Variants in YPEL1 observed in about 807,000 individuals in gnomAD.
YPEL1 encodes the protein protein yippee-like 1.
In YPEL1, 7 loss-of-function variants were observed where a neutral mutation model predicts 17.3. The observed-to-expected ratio is 0.40, with a 90% CI of 0.23 to 0.76. The LOEUF (loss-of-function observed/expected upper bound fraction) is 0.76, where lower values mean the gene tolerates loss of function less well. Among genes scored for constraint, YPEL1 ranks in the 30% least tolerant of loss-of-function variants. The pLI, the probability that YPEL1 is intolerant of heterozygous loss-of-function variation, is 0.35. For synonymous variants in YPEL1, 59 were observed against 59.6 expected, an observed-to-expected ratio of 0.99 and a Z score of 0.05; for missense variants, 91 against 155.5, an observed-to-expected ratio of 0.59 and a Z score of 2.21.
intron 1 of YPEL1, among the ~76,000 whole-genome samples, chr22:21,724,491 C>T (rs751310896): frequency 5.3e-5 from 8 of 151,934 alleles, no homozygotes; most frequent in Non-Finnish European, 1.2e-4. Flanking sequence ...GAGCCATGAT[C>T]GCACCACTGC....
At chr22:21,702,043 A>G (rs926100743) in intron 4 of YPEL1, among the ~76,000 whole-genome samples, 4 of 152,138 alleles carry the variant, frequency 2.6e-5, no homozygotes. Flanking sequence ...AACAAAAAAC[A>G]GGATATCTGG....
At chr22:21,727,463 T>C (rs1417602465) in intron 1 of YPEL1, among the ~76,000 whole-genome samples, 1 of 152,226 alleles carries the variant, frequency 6.6e-6, no homozygotes, top group African/African-American at 2.4e-5. Context: ...TCTCGGACAC[T>C]GTGTGTCCCC....
Position 21,699,915 on chromosome 22 carries a change from C to G in YPEL1, c.*1214G>C, listed in dbSNP as rs1175347494. On this transcript the variant is annotated 3_prime_UTR_variant, in exon 5 of 5. Coordinates refer to ENST00000339468, the MANE Select transcript of YPEL1 (RefSeq NM_013313.5). The stretch of plus-strand genomic sequence containing the variant: ...TGTGAGGCTGTCACCTCAGTAAGGG[C>G]ACCTCTGCGGGCCCCGGGACAGCCT... 1.3e-5 allele frequency: 2 copies of G among 152,460 alleles called. No homozygotes were observed. The highest frequency in any genetic ancestry group is 6.5e-5 in the Admixed American group (1 of 15,276). The allele number at this position is 152,460 out of a possible 1,614,324, so 9.4% of individuals were successfully genotyped here. A position where few individuals can be genotyped will look rare whatever the true frequency, so the allele number is the denominator to read the frequency against.
intron 1 of YPEL1, among the ~76,000 whole-genome samples, chr22:21,717,864 C>T (rs2068242345): frequency 6.6e-6 from 1 of 152,146 alleles, no homozygotes. Flanking sequence ...TAGTGGCTCA[C>T]ACTTGTCATC....
At chr22:21,722,148 G>A (rs1226683294) in intron 1 of YPEL1, among the ~76,000 whole-genome samples, 2 of 152,186 alleles carry the variant, frequency 1.3e-5, no homozygotes, top group African/African-American at 4.8e-5. Flanking sequence ...GGCCAGCGCG[G>A]TGGCTCATGC....
intron 1 of YPEL1, among the ~76,000 whole-genome samples, chr22:21,720,259 G>C (rs748099174): frequency 2.0e-5 from 3 of 150,846 alleles, no homozygotes; most frequent in Non-Finnish European, 2.9e-5. Flanking sequence ...CCGGAGTGCA[G>C]TGGCATGGTC....
intron 1 of YPEL1, among the ~76,000 whole-genome samples, 176 bp downstream of exon 1, chr22:21,735,439 A>G (rs1036872833): frequency 3.3e-5 from 5 of 152,184 alleles, no homozygotes; most frequent in Admixed American, 1.3e-4. Flanking sequence ...AGTGAGCCCA[A>G]TATCAACAAA....
chr22:21,725,322 C>T (rs1366683498), intron 1 of YPEL1, among the ~76,000 whole-genome samples: 1 of 146,910 alleles, frequency 6.8e-6, no homozygotes, highest in Admixed American at 6.8e-5. Flanking sequence ...CGGGTTCATG[C>T]CATTCTCCTG....
At chr22:21,702,629 C>A (rs866701426) in intron 4 of YPEL1, among the ~76,000 whole-genome samples, 1 of 151,882 alleles carries the variant, frequency 6.6e-6, no homozygotes, top group East Asian at 1.9e-4. Flanking sequence ...AACAAAACAA[C>A]AACAACAACA....
intron 4 of YPEL1, among the ~76,000 whole-genome samples, chr22:21,701,786 G>A (rs2068069155): frequency 6.6e-6 from 1 of 152,226 alleles, no homozygotes; most frequent in African/African-American, 2.4e-5. Context: ...GAGGCTGGGC[G>A]CAGTGGTGCA....
At chr22:21,726,113 C>T (rs2040168) in intron 1 of YPEL1, among the ~76,000 whole-genome samples, 2,980 of 152,236 alleles carry the variant, frequency 0.02, 99 homozygotes, top group African/African-American at 0.067. Flanking sequence ...CCGTGGGGTG[C>T]GGGCAGCTGC....
chr22:21,726,953 G>A (rs1210617837), intron 1 of YPEL1, among the ~76,000 whole-genome samples: 2 of 152,188 alleles, frequency 1.3e-5, no homozygotes, highest in South Asian at 2.1e-4. Context: ...TGAGGGCACC[G>A]CTAATTACAA....
intron 1 of YPEL1, among the ~76,000 whole-genome samples, chr22:21,725,001 G>A (rs1349018484): frequency 8.0e-5 from 12 of 150,870 alleles, no homozygotes; most frequent in African/African-American, 1.7e-4. Context: ...TCTGCCTCCC[G>A]GGTTCAAGTG....
intron 1 of YPEL1, among the ~76,000 whole-genome samples, chr22:21,734,100 G>T (rs1179269786): frequency 2.0e-5 from 3 of 152,162 alleles, no homozygotes; most frequent in Admixed American, 1.3e-4. Flanking sequence ...TGCACCTGTA[G>T]TCCTAGCTAC....
intron 1 of YPEL1, among the ~76,000 whole-genome samples, chr22:21,728,128 T>C (rs1411984349): frequency 6.6e-6 from 1 of 152,150 alleles, no homozygotes; most frequent in Non-Finnish European, 1.5e-5. Context: ...CAGGATATCA[T>C]GGTCCACCTC....
Position 21,700,995 on chromosome 22 carries a change from T to A in YPEL1, c.*134A>T. The stretch of plus-strand genomic sequence containing the variant: ...CCTTACCCACAGAGATGGCCGAGAG[T>A]GTCAAGAGCTATGCGCAGCTAGCCT... On this transcript the variant is annotated 3_prime_UTR_variant, in exon 5 of 5. Coordinates refer to ENST00000339468, the MANE Select transcript of YPEL1 (RefSeq NM_013313.5). The A allele has an allele frequency of 3.1e-6, 2 of 648,438 alleles. No individual in the cohort carries two copies. The highest frequency in any genetic ancestry group is 5.3e-6 in the Non-Finnish European group (2 of 375,632). The allele number at this position is 648,438 out of a possible 1,614,324, so 40.2% of individuals were successfully genotyped here. A position where few individuals can be genotyped will look rare whatever the true frequency, so the allele number is the denominator to read the frequency against.
Position 21,700,300 on chromosome 22 carries a change from G to C in YPEL1, c.*829C>G, listed in dbSNP as rs1055752536. ...AGACCCTGTCCCTGTGGTCTTCAGA[G>C]ACTCAGTCTGGTTCTCTCTTGTTTT... is the stretch of plus-strand genomic sequence containing the variant. On this transcript the variant is annotated 3_prime_UTR_variant, in exon 5 of 5. Coordinates refer to ENST00000339468, the MANE Select transcript of YPEL1 (RefSeq NM_013313.5). The C allele has an allele frequency of 6.6e-6, 1 of 152,202 alleles. No homozygotes were observed. The highest frequency in any genetic ancestry group is 2.4e-5 in the African/African-American group (1 of 41,452). 9.4% of individuals were successfully genotyped at this position (152,202 alleles called of 1,614,324 possible).
At chr22:21,714,569 G>A (rs1250993427) in intron 1 of YPEL1, among the ~76,000 whole-genome samples, 1 of 152,102 alleles carries the variant, frequency 6.6e-6, no homozygotes, top group East Asian at 1.9e-4. Context: ...GATGTGTATC[G>A]GCTCCCAGGC....
intron 1 of YPEL1, among the ~76,000 whole-genome samples, chr22:21,733,451 T>A (rs1032150643): frequency 2.0e-5 from 3 of 148,732 alleles, no homozygotes; most frequent in African/African-American, 5.0e-5. Flanking sequence ...AAAACAAAAC[T>A]AACTGGGGGT....
Sources: allele counts gnomAD v4.1 joint callset (sites outside exome capture counted in the v4.1 genomes callset), GRCh38; gene constraint gnomAD v4.1.1; transcripts MANE v1.5; gene names NCBI Gene and HGNC (gene_info 2026-07-23, HGNC 2026-07-21).